Variants in FAM76B observed in about 807,000 individuals in gnomAD.
FAM76B encodes protein FAM76B.
A neutral mutation model predicts 51.8 loss-of-function variants in FAM76B; 16 were observed. The ratio of observed to expected loss-of-function variants is 0.31; its 90% CI spans 0.21 to 0.47. FAM76B has a LOEUF of 0.47. Ranked by LOEUF, FAM76B falls within the 20% of genes least tolerant of loss-of-function variation. The pLI is 1.00. For missense variants in FAM76B, 342 were observed against 392.6 expected, an observed-to-expected ratio of 0.87 and a Z score of 1.09; for synonymous variants, 166 against 129.5, an observed-to-expected ratio of 1.28 and a Z score of -1.91.
At chr11:95,784,413 G>A (rs551839407) in intron 4 of FAM76B, among the ~76,000 whole-genome samples, 13 of 152,010 alleles carry the variant, frequency 8.6e-5, no homozygotes, top group East Asian at 3.9e-4. Flanking sequence ...TATAATAAAC[G>A]TGCACATGTA....
At chr11:95,784,673 C>T (rs1286649268) in intron 4 of FAM76B, among the ~76,000 whole-genome samples, 2 of 151,632 alleles carry the variant, frequency 1.3e-5, no homozygotes, top group African/African-American at 2.4e-5. Flanking sequence ...CTGCAAGCTC[C>T]GCCTCCCGGG....
At chr11:95,788,757 T>C (rs1860761835) in intron 1 of FAM76B, 194 bp from the exon 2 acceptor site, 9 of 1,380,608 alleles carry the variant, frequency 6.5e-6, no homozygotes, top group South Asian at 1.3e-5. Flanking sequence ...ACAGGTGTCT[T>C]TGTCTTTAGT....
chr11:95,786,591 G>C (rs1328289045), intron 3 of FAM76B: 1 of 191,174 alleles, frequency 5.2e-6, no homozygotes, highest in Non-Finnish European at 1.1e-5. Flanking sequence ...TACATATGTA[G>C]AGAAGTCTCA....
chr11:95,774,853 T>C (rs1200642914), intron 9 of FAM76B, among the ~76,000 whole-genome samples: 1 of 151,258 alleles, frequency 6.6e-6, no homozygotes, highest in Non-Finnish European at 1.5e-5. Context: ...ACAGTCTTTG[T>C]AATAGTATGA....
chr11:95,781,588 T>C lies in FAM76B; in HGVS notation c.563+1477A>G, dbSNP rs577682204. Among the ~76,000 whole-genome samples, 5 of 152,266 alleles carry C rather than the reference T, an allele frequency of 3.3e-5. No individual in the cohort carries two copies. In the South Asian group the frequency reaches 8.3e-4, roughly 25 times the overall value. ...CTTTTACATCATGCTAAGACAAATT[T>C]ATCTGTAAAGAATAGGGAAAGGAGA... is the stretch of plus-strand genomic sequence containing the variant. On this transcript the variant is annotated intron_variant, in intron 5 of 9. Coordinates refer to ENST00000358780, the MANE Select transcript of FAM76B (RefSeq NM_144664.5).
At chr11:95,782,426 G>C (rs1860320905) in intron 5 of FAM76B, among the ~76,000 whole-genome samples, 1 of 152,016 alleles carries the variant, frequency 6.6e-6, no homozygotes, top group Non-Finnish European at 1.5e-5. Flanking sequence ...GTCAATTGCA[G>C]AACTGGAGTA....
chr11:95,774,424 G>A (rs1401266936), intron 9 of FAM76B, among the ~76,000 whole-genome samples: 1 of 151,418 alleles, frequency 6.6e-6, no homozygotes, highest in East Asian at 1.9e-4. Context: ...ATGACCCCAT[G>A]TATTTGCAAC....
chr11:95,785,224 G>A (rs1860497933), intron 4 of FAM76B, among the ~76,000 whole-genome samples: 1 of 152,050 alleles, frequency 6.6e-6, no homozygotes, highest in South Asian at 2.1e-4. Flanking sequence ...TTTATCATAG[G>A]CACGTATGTA....
At chr11:95,776,565 T>A (rs1860019465) in intron 8 of FAM76B, among the ~76,000 whole-genome samples, 1 of 150,772 alleles carries the variant, frequency 6.6e-6, no homozygotes, top group South Asian at 2.1e-4. Flanking sequence ...GAGGTAAAAA[T>A]AGAGAACAAA....
intron 4 of FAM76B, among the ~76,000 whole-genome samples, chr11:95,785,443 C>A (rs115921905): frequency 6.6e-6 from 1 of 152,100 alleles, no homozygotes; most frequent in African/African-American, 2.4e-5. Context: ...AAAATAAAAC[C>A]AAGTTTTTAT....
chr11:95,774,416 G>A (rs1320027396), intron 9 of FAM76B, among the ~76,000 whole-genome samples: 2 of 151,386 alleles, frequency 1.3e-5, no homozygotes, highest in Non-Finnish European at 3.0e-5. Flanking sequence ...AGTCAAAGAT[G>A]ACCCCATGTA....
Position 95,779,703 on chromosome 11 carries a change from A to C in FAM76B, c.612-16T>G, listed in dbSNP as rs767209116. 6.2e-7 allele frequency: 1 copy of C among 1,604,882 alleles called. No homozygotes were observed. Among genetic ancestry groups the C allele is most frequent in the South Asian group, 1.1e-5 (1 of 89,244 alleles). On this transcript the variant is annotated splice_polypyrimidine_tract_variant and intron_variant, in intron 6 of 9. Transcript: ENST00000358780. ...GGATTTATGGCTGAAACCAAACATT[A>C]ATAAGAATAGTTAGAGTAAAAAGGA...
rs771402543 is a variant in FAM76B at position 95,783,101 on chromosome 11, T to C, written c.527A>G (p.His176Arg). The change falls in exon 5 of 10, where the codon CAT becomes CGT. Residue 176 changes from histidine to arginine, a missense_variant. Physicochemically the swap from His to Arg is conservative, Grantham distance 29. Transcript: ENST00000358780. ...QHHPKHHHHH[H>R]HHHHRHSSSH... ...ACTGCTGTGACGATGGTGATGGTGATGATGGTGGTGATGATGTTTTGGATG... is the reference window on the plus strand; with the variant it reads ...ACTGCTGTGACGATGGTGATGGTGACGATGGTGGTGATGATGTTTTGGATG... 14 of 1,613,322 alleles carry C rather than the reference T, an allele frequency of 8.7e-6. No homozygotes were observed. The highest frequency in any genetic ancestry group is 1.2e-5 in the Non-Finnish European group (14 of 1,179,532).
chr11:95,779,278 A>G (rs1413445569), intron 7 of FAM76B: 3 of 650,066 alleles, frequency 4.6e-6, no homozygotes, highest in East Asian at 7.1e-5. Flanking sequence ...TTTTTAATCT[A>G]AAAACATTTT....
At chr11:95,777,978 G>C (rs1470225921) in intron 8 of FAM76B, among the ~76,000 whole-genome samples, 2 of 151,362 alleles carry the variant, frequency 1.3e-5, no homozygotes, top group Admixed American at 6.6e-5. Context: ...ATACATACCA[G>C]GAGCTATAAT....
Position 95,787,671 on chromosome 11 carries a change from T to C in FAM76B, c.160A>G (p.Asn54Asp), listed in dbSNP as rs957825083. 2 of 1,606,908 alleles carry C rather than the reference T, an allele frequency of 1.2e-6. No individual in the cohort carries two copies. The highest frequency in any genetic ancestry group is 2.2e-5 in the East Asian group (1 of 44,804). ...RSEFQQESKT[N>D]TICKKCAQNV... ...TGAGCACACTTCTTACAAATTGTGT[T>C]AGTTTTGCTGAAAAATAAATTGTAT... The change falls in exon 3 of 10, where the codon AAC (asparagine) becomes GAC (aspartate). Residue 54 changes from asparagine (N) to aspartate (D), a missense_variant. Physicochemically the swap from Asn to Asp is conservative, Grantham distance 23. Transcript: ENST00000358780.
At chr11:95,786,990 G>A (rs1486306466) in intron 3 of FAM76B, among the ~76,000 whole-genome samples, 1 of 152,090 alleles carries the variant, frequency 6.6e-6, no homozygotes, top group Admixed American at 6.5e-5. Context: ...AAATAGTTCT[G>A]AGGAGGCTGT....
chr11:95,776,617 G>T (rs1253767797), intron 8 of FAM76B, among the ~76,000 whole-genome samples: 1 of 151,110 alleles, frequency 6.6e-6, no homozygotes, highest in Admixed American at 6.6e-5. Context: ...AGGAAAGAAG[G>T]TTACTATAAA....
intron 4 of FAM76B, among the ~76,000 whole-genome samples, chr11:95,784,732 T>C (rs1463616892): frequency 2.0e-5 from 3 of 151,752 alleles, no homozygotes; most frequent in Non-Finnish European, 4.4e-5. Flanking sequence ...GGACTATAGG[T>C]GCCTGCCACC....
Sources: gnomAD v4.1 joint callset for allele counts (sites outside exome capture counted in the v4.1 genomes callset) on GRCh38, gnomAD v4.1.1 for gene constraint, MANE v1.5 for transcripts, NCBI Gene and HGNC (gene_info 2026-07-23, HGNC 2026-07-21) for gene names.